Variants in MTUS2 observed in about 807,000 individuals in gnomAD.
The protein encoded by MTUS2 is microtubule-associated tumor suppressor candidate 2.
MTUS2 carries 40 observed loss-of-function variants against 114.1 expected under a neutral mutation model. The observed-to-expected ratio is 0.35, with a 90% CI of 0.27 to 0.46. MTUS2 has a LOEUF of 0.46. MTUS2 is among the 20% of genes least tolerant of loss of function. MTUS2 has a pLI of 1.00. For missense variants in MTUS2, 1,679 were observed against 1,705.4 expected, an observed-to-expected ratio of 0.98 and a Z score of 0.27; for synonymous variants, 688 against 672.0, an observed-to-expected ratio of 1.02 and a Z score of -0.37.
intron 7 of MTUS2, among the ~76,000 whole-genome samples, chr13:29,337,268 C>T (rs1901113994): frequency 1.3e-5 from 2 of 152,172 alleles, no homozygotes; most frequent in African/African-American, 2.4e-5. Flanking sequence ...ACCCAGGCCC[C>T]TGGTGGTATA....
At chr13:29,291,531 TC>T (rs1266805129) in intron 6 of MTUS2, among the ~76,000 whole-genome samples, 1 of 152,200 alleles carries the variant, frequency 6.6e-6, no homozygotes, top group African/African-American at 2.4e-5. Flanking sequence ...CAGCTGTGGC[TC>T]CCTGGGAATA....
intron 8 of MTUS2, among the ~76,000 whole-genome samples, chr13:29,375,283 G>GGTCTAAT (rs60167763): frequency 0.98 from 126,926 of 129,944 alleles, 62,232 homozygotes; most frequent in Middle Eastern, 1. Flanking sequence ...ATTTAAAAAG[G>GGTCTAAT]AGTTTTTAAT....
At chr13:28,892,408 A>G (rs1878987362) in intron 2 of MTUS2, among the ~76,000 whole-genome samples, 1 of 152,180 alleles carries the variant, frequency 6.6e-6, no homozygotes, top group Non-Finnish European at 1.5e-5. Flanking sequence ...AGCAAGTTCA[A>G]GGGCACAGAG....
chr13:29,389,638 T>C (rs1873094949), intron 8 of MTUS2, among the ~76,000 whole-genome samples: 1 of 146,828 alleles, frequency 6.8e-6, no homozygotes, highest in Non-Finnish European at 1.5e-5. Flanking sequence ...TATACACATA[T>C]GTGTATGTAT....
intron 5 of MTUS2, among the ~76,000 whole-genome samples, chr13:29,177,120 G>A (rs1178577582): frequency 1.3e-5 from 2 of 151,100 alleles, no homozygotes; most frequent in African/African-American, 2.5e-5. Flanking sequence ...CAGGTTGGAG[G>A]AGGACATGAG....
intron 1 of MTUS2, among the ~76,000 whole-genome samples, chr13:28,824,312 C>A (rs1270560348): frequency 6.6e-6 from 1 of 152,194 alleles, no homozygotes; most frequent in Non-Finnish European, 1.5e-5. Flanking sequence ...GTGTCTTCCT[C>A]AGTGTCTGTG....
At chr13:29,259,070 C>A (rs558110564) in intron 5 of MTUS2, among the ~76,000 whole-genome samples, 5 of 152,216 alleles carry the variant, frequency 3.3e-5, no homozygotes, top group Non-Finnish European at 5.9e-5. Flanking sequence ...TTTCCACTTA[C>A]AAACATTCTT....
chr13:29,011,790 T>A (rs574271812), intron 2 of MTUS2, among the ~76,000 whole-genome samples: 34 of 152,354 alleles, frequency 2.2e-4, no homozygotes, highest in Non-Finnish European at 4.4e-4. Flanking sequence ...CCTTTCCATT[T>A]AGTTGGAGGG....
At chr13:28,998,661 G>C (rs983456111) in intron 2 of MTUS2, among the ~76,000 whole-genome samples, 7 of 151,878 alleles carry the variant, frequency 4.6e-5, no homozygotes, top group East Asian at 3.9e-4. Context: ...TTGCTGATAC[G>C]CTTTCTTCCA....
chr13:29,318,339 A>G (rs79067164), intron 6 of MTUS2, among the ~76,000 whole-genome samples: 2,430 of 145,762 alleles, frequency 0.017, 84 homozygotes, highest in African/African-American at 0.06. Context: ...TCCCATTGAG[A>G]TGTGCTCAGT....
At chr13:28,932,164 A>G (rs1483152632) in intron 2 of MTUS2, among the ~76,000 whole-genome samples, 1 of 152,208 alleles carries the variant, frequency 6.6e-6, no homozygotes, top group Non-Finnish European at 1.5e-5. Flanking sequence ...CTCATCTAGG[A>G]AATGGTCTCC....
chr13:29,240,878 A>G (rs1407023436), intron 5 of MTUS2, among the ~76,000 whole-genome samples: 1 of 152,156 alleles, frequency 6.6e-6, no homozygotes, highest in African/African-American at 2.4e-5. Flanking sequence ...AAAAGTCAAT[A>G]TGTGTAACAG....
chr13:28,935,317 T>A (rs897309612), intron 2 of MTUS2, among the ~76,000 whole-genome samples: 1 of 152,164 alleles, frequency 6.6e-6, no homozygotes, highest in African/African-American at 2.4e-5. Flanking sequence ...AGTCATAGGA[T>A]GTACATATGT....
At chr13:29,337,307 G>A (rs1901115981) in intron 7 of MTUS2, among the ~76,000 whole-genome samples, 1 of 152,204 alleles carries the variant, frequency 6.6e-6, no homozygotes, top group African/African-American at 2.4e-5. Flanking sequence ...CTGGTCTGTG[G>A]GTTGTGAAGA....
chr13:28,822,719 T>G (rs1873993915), intron 1 of MTUS2, among the ~76,000 whole-genome samples: 1 of 151,976 alleles, frequency 6.6e-6, no homozygotes, highest in Admixed American at 6.5e-5. Flanking sequence ...AGGAGAGTAC[T>G]CTTTCTATAT....
intron 15 of MTUS2, 67 bp from the exon 16 acceptor site, chr13:29,502,926 T>C: frequency 2.0e-6 from 3 of 1,521,046 alleles, no homozygotes; most frequent in South Asian, 2.3e-5. Context: ...CCCTGCACCA[T>C]TGTCCTGACC....
chr13:29,014,725 A>G (rs1441775469), intron 2 of MTUS2, among the ~76,000 whole-genome samples: 2 of 152,230 alleles, frequency 1.3e-5, no homozygotes, highest in Non-Finnish European at 2.9e-5. Flanking sequence ...GCTAGAGCTG[A>G]GAGTGAGGGA....
In MTUS2 at chr13:29,070,980, G is replaced by GT. The variant is rs59683514; in HGVS notation, c.2447-29782dup. Reference sequence around the variant, plus strand: ...ATGCCTTCTTGGCTTCTGATTGCTTGTTTTTTTTTTTGGTTTTTGTTTATT... The same window carrying GT: ...ATGCCTTCTTGGCTTCTGATTGCTTGTTTTTTTTTTTTGGTTTTTGTTTATT... On this transcript the variant is annotated intron_variant, in intron 4 of 15. Transcript: ENST00000612955. Among the ~76,000 whole-genome samples the GT allele has an allele frequency of 4.2e-3, 617 of 147,984 alleles. 3 individuals are homozygous for GT. The highest frequency in any genetic ancestry group is 0.027 in the Middle Eastern group (8 of 292).
chr13:29,169,487 C>G (rs1893462517), intron 5 of MTUS2, among the ~76,000 whole-genome samples: 1 of 152,096 alleles, frequency 6.6e-6, no homozygotes, highest in African/African-American at 2.4e-5. Context: ...AAAAATAAGT[C>G]TGGCTTTTAA....
Sources: allele counts gnomAD v4.1 joint callset (sites outside exome capture counted in the v4.1 genomes callset), GRCh38; gene constraint gnomAD v4.1.1; transcripts MANE v1.5; gene names NCBI Gene and HGNC (gene_info 2026-07-23, HGNC 2026-07-21).